Variants in DPYSL3 observed in about 807,000 individuals in gnomAD.
DPYSL3 encodes dihydropyrimidinase-related protein 3.
A neutral mutation model predicts 66.1 loss-of-function variants in DPYSL3; 16 were observed. The ratio of observed to expected loss-of-function variants is 0.24; its 90% CI spans 0.16 to 0.37. The LOEUF is 0.37. DPYSL3 is among the 10% of genes least tolerant of loss of function. The pLI is 1.00. For missense variants in DPYSL3, 738 were observed against 916.2 expected (o/e 0.81, Z 2.51); for synonymous variants, 338 against 345.1 (o/e 0.98, Z 0.23).
At chr5:147,488,874 G>A (rs1390970454) in intron 1 of DPYSL3, among the ~76,000 whole-genome samples, 4 of 151,998 alleles carry the variant, frequency 2.6e-5, no homozygotes, top group Admixed American at 6.6e-5. Flanking sequence ...AATTAGCCAG[G>A]TGTGGTGGTA....
At position 147,397,649 on chromosome 5, in the gene DPYSL3, G is replaced by T; in HGVS notation, c.1803+17C>A. 5 of 1,609,624 alleles carry T rather than the reference G, an allele frequency of 3.1e-6. No homozygotes were observed. Among genetic ancestry groups the T allele is most frequent in the Non-Finnish European group, 4.2e-6 (5 of 1,176,628 alleles). The stretch of plus-strand genomic sequence containing the variant: ...CACAAAGCTCCTGCACCACCTCAGA[G>T]CTCCAATGCTTTTTACCTTCCTCCG... On this transcript the variant is annotated intron_variant, in intron 12 of 13. Coordinates refer to ENST00000343218, the MANE Select transcript of DPYSL3 (RefSeq NM_001197294.2).
chr5:147,416,676 C>T lies in DPYSL3; in HGVS notation c.656-803G>A, dbSNP rs557104972. Among the ~76,000 whole-genome samples, 16 of 152,304 alleles carry T rather than the reference C, an allele frequency of 1.1e-4. No individual in the cohort carries two copies. In the East Asian group the frequency reaches 2.3e-3, roughly 22 times the overall value. On this transcript the variant is annotated intron_variant, in intron 3 of 13. Transcript: ENST00000343218. Reference sequence around the variant, plus strand: ...CTGAAATATACATAAAAAACCCGGACATTTTTCAAACCTTAACCCAACATT... The same window carrying T: ...CTGAAATATACATAAAAAACCCGGATATTTTTCAAACCTTAACCCAACATT...
chr5:147,507,403 T>A (rs1358045613), intron 1 of DPYSL3, among the ~76,000 whole-genome samples: 1 of 152,080 alleles, frequency 6.6e-6, no homozygotes, highest in Non-Finnish European at 1.5e-5. Flanking sequence ...GTGAGCTCCC[T>A]GACAATGGTT....
chr5:147,481,341 A>C (rs930352822), intron 1 of DPYSL3, among the ~76,000 whole-genome samples: 3 of 152,232 alleles, frequency 2.0e-5, no homozygotes, highest in Admixed American at 2.0e-4. Context: ...TACACATAAT[A>C]TGTCAAGAAC....
intron 1 of DPYSL3, among the ~76,000 whole-genome samples, chr5:147,434,217 A>C (rs768687312): frequency 1.3e-5 from 2 of 152,246 alleles, no homozygotes; most frequent in Non-Finnish European, 2.9e-5. Context: ...TCTGTAGCTC[A>C]GGACCAGAGT....
At chr5:147,492,602 G>C (rs1268025880) in intron 1 of DPYSL3, among the ~76,000 whole-genome samples, 4 of 151,638 alleles carry the variant, frequency 2.6e-5, no homozygotes, top group African/African-American at 9.7e-5. Context: ...CTATTTGAAA[G>C]TAGACTTGGA....
intron 8 of DPYSL3, 114 bp from the exon 9 acceptor site, chr5:147,401,810 G>A (rs549902400): frequency 7.5e-5 from 98 of 1,307,886 alleles, no homozygotes; most frequent in Non-Finnish European, 9.8e-5. Context: ...GAGTCAGACT[G>A]ACCTGGGTTC....
intron 1 of DPYSL3, among the ~76,000 whole-genome samples, chr5:147,476,216 A>AGAG (rs1753152198): frequency 6.6e-6 from 1 of 152,194 alleles, no homozygotes; most frequent in Non-Finnish European, 1.5e-5. Context: ...AAAATGAAAA[A>AGAG]TTAAGTCCCA....
intron 1 of DPYSL3, among the ~76,000 whole-genome samples, chr5:147,440,496 AC>A (rs2126369858): frequency 6.6e-6 from 1 of 152,282 alleles, no homozygotes; most frequent in Admixed American, 6.5e-5. Context: ...AGCAAATGCA[AC>A]CTAGTGACAG....
At chr5:147,431,815 G>A (rs557609844) in intron 1 of DPYSL3, among the ~76,000 whole-genome samples, 1 of 152,122 alleles carries the variant, frequency 6.6e-6, no homozygotes, top group East Asian at 1.9e-4. Flanking sequence ...TTTTTCCTCT[G>A]GAAATAAGCC....
In DPYSL3 at chr5:147,408,716, C is replaced by G. The variant is rs767462624; in HGVS notation, c.1032+12G>C. On this transcript the variant is annotated intron_variant, in intron 7 of 13. Coordinates refer to ENST00000343218, the MANE Select transcript of DPYSL3 (RefSeq NM_001197294.2). ...ATGCGTTGTGTGTGCACCTTCATCC[C>G]CTGTAACTTACCTCTTCTGGCCTGC... 9.3e-6 allele frequency: 15 copies of G among 1,613,580 alleles called. No homozygotes were observed. The East Asian group carries it at 3.3e-4, about 36-fold the overall frequency.
intron 8 of DPYSL3, 52 bp from the exon 9 acceptor site, chr5:147,401,748 T>G: frequency 6.2e-7 from 1 of 1,603,618 alleles, no homozygotes; most frequent in Non-Finnish European, 8.5e-7. Flanking sequence ...TATGCTGCAC[T>G]GGGCCAAGCC....
rs1321746708 is a variant in DPYSL3, at chr5:147,510,008, T to G, written c.-150A>C. ...GCGGCAGTGCTGCTCCGATTCCTGC[T>G]TGTCCCTAGCGAGCCAGCGAGCCAC... On this transcript the variant is annotated 5_prime_UTR_variant, in exon 1 of 14. Transcript: ENST00000343218. 1.1e-5 allele frequency: 14 copies of G among 1,292,386 alleles called. No individual in the cohort carries two copies. The highest frequency in any genetic ancestry group is 1.4e-5 in the Non-Finnish European group (14 of 977,842). The allele number at this position is 1,292,386 out of a possible 1,614,324, so 80.1% of individuals were successfully genotyped here.
Position 147,418,637 on chromosome 5 carries a change from G to GAAAC in DPYSL3, c.471-10_471-7dup, listed in dbSNP as rs754064518. 2.6e-6 allele frequency: 4 copies of GAAAC among 1,560,524 alleles called. No individual in the cohort carries two copies. The highest frequency in any genetic ancestry group is 2.6e-6 in the Non-Finnish European group (3 of 1,149,670). On this transcript the variant is annotated splice_region_variant and splice_polypyrimidine_tract_variant and intron_variant, in intron 2 of 13. Transcript: ENST00000343218. ...TCAGATTGTCTCCAATTTGTCTGGTGAAACAAACAAACAAAAAAATGATCA... is the reference window on the plus strand; with the variant it reads ...TCAGATTGTCTCCAATTTGTCTGGTGAAACAAACAAACAAACAAAAAAATGATCA...
At chr5:147,485,480 T>C (rs1388352403) in intron 1 of DPYSL3, among the ~76,000 whole-genome samples, 1 of 152,232 alleles carries the variant, frequency 6.6e-6, no homozygotes. Flanking sequence ...AATATGACAT[T>C]ATTTATTTAC....
In DPYSL3 at chr5:147,416,922, AC is replaced by A. The variant is rs146473223; in HGVS notation, c.656-1050del. Among the ~76,000 whole-genome samples the A allele has an allele frequency of 3.3e-3, 501 of 152,308 alleles. 2 individuals carry two copies. The highest frequency in any genetic ancestry group is 0.01 in the African/African-American group (431 of 41,570). On this transcript the variant is annotated intron_variant, in intron 3 of 13. Coordinates refer to ENST00000343218, the MANE Select transcript of DPYSL3 (RefSeq NM_001197294.2). ...GTAGAACAAAAATGAATGCAAAGATACCCATGACATATTATTTAGCAAAAAT... is the reference window on the plus strand; with the variant it reads ...GTAGAACAAAAATGAATGCAAAGATACCATGACATATTATTTAGCAAAAAT...
intron 1 of DPYSL3, among the ~76,000 whole-genome samples, chr5:147,444,946 G>T (rs1752603738): frequency 6.6e-6 from 1 of 151,710 alleles, no homozygotes; most frequent in Non-Finnish European, 1.5e-5. Flanking sequence ...ATGCAGATTG[G>T]TCTATCTAGT....
chr5:147,430,011 T>C (rs1393072846), intron 1 of DPYSL3, among the ~76,000 whole-genome samples: 1 of 152,162 alleles, frequency 6.6e-6, no homozygotes, highest in Non-Finnish European at 1.5e-5. Flanking sequence ...AAGTCTAACA[T>C]CTTTTCCTTC....
intron 6 of DPYSL3, among the ~76,000 whole-genome samples, chr5:147,411,884 G>T (rs1048529757): frequency 3.3e-5 from 5 of 152,196 alleles, no homozygotes. Context: ...ACGGTTTCTT[G>T]TTGCCAACAT....
Sources: gnomAD v4.1 joint callset for allele counts (sites outside exome capture counted in the v4.1 genomes callset) on GRCh38, gnomAD v4.1.1 for gene constraint, MANE v1.5 for transcripts, NCBI Gene and HGNC (gene_info 2026-07-23, HGNC 2026-07-21) for gene names.